The following CDH4 variants were observed in gnomAD, a reference collection of about 807,000 sequenced individuals.
The protein encoded by CDH4 is cadherin 4.
A neutral mutation model predicts 86.0 loss-of-function variants in CDH4; 33 were observed. The ratio of observed to expected loss-of-function variants is 0.38; its 90% CI spans 0.29 to 0.51. The LOEUF is 0.51. Among genes scored for constraint, CDH4 ranks in the 20% least tolerant of loss-of-function variants. CDH4 has a pLI of 0.86. For synonymous variants in CDH4, 555 were observed against 549.4 expected (o/e 1.01, Z -0.14); for missense variants, 1,114 against 1,307.4 (o/e 0.85, Z 2.28).
At position 61,621,290 on chromosome 20, in the gene CDH4, T is replaced by G. The variant is rs181385311; in HGVS notation, c.170-122273T>G. ...TGCTTCCTAGAACGCGCTGTCAAGA[T>G]CTGTTTGACATTCTGTAACTCTTTC... On this transcript the variant is annotated intron_variant, in intron 2 of 15. Coordinates refer to ENST00000614565, the MANE Select transcript of CDH4 (RefSeq NM_001794.5). 2.0e-5 allele frequency among the ~76,000 whole-genome samples: 3 copies of G among 152,322 alleles called. No individual in the cohort carries two copies. In the East Asian group the frequency reaches 5.8e-4, roughly 29 times the overall value.
intron 2 of CDH4, among the ~76,000 whole-genome samples, chr20:61,643,823 C>T (rs770990076): frequency 2.0e-5 from 3 of 152,234 alleles, no homozygotes; most frequent in Non-Finnish European, 4.4e-5. Context: ...GAGTTCCCCT[C>T]GTCATATGTG....
At chr20:61,357,538 A>G (rs1486421501) in intron 2 of CDH4, among the ~76,000 whole-genome samples, 1 of 152,112 alleles carries the variant, frequency 6.6e-6, no homozygotes, top group African/African-American at 2.4e-5. Flanking sequence ...CTTCTTACCA[A>G]TTCTTCCTGG....
intron 2 of CDH4, among the ~76,000 whole-genome samples, chr20:61,566,789 C>T (rs567654821): frequency 2.0e-5 from 3 of 152,176 alleles, no homozygotes; most frequent in Admixed American, 6.5e-5. Context: ...AAAGGGTCAC[C>T]GAGACACTCA....
intron 5 of CDH4, among the ~76,000 whole-genome samples, chr20:61,851,812 G>A (rs556741353): frequency 6.6e-6 from 1 of 152,012 alleles, no homozygotes. Context: ...CCTCCCTGGC[G>A]GCCACCACAC....
chr20:61,385,909 C>T (rs1036420303), intron 2 of CDH4, among the ~76,000 whole-genome samples: 6 of 152,214 alleles, frequency 3.9e-5, no homozygotes, highest in African/African-American at 1.4e-4. Flanking sequence ...ATTGCAGCTG[C>T]GGTTCATGCA....
intron 7 of CDH4, among the ~76,000 whole-genome samples, chr20:61,886,886 C>A (rs1984567000): frequency 6.6e-6 from 1 of 152,152 alleles, no homozygotes; most frequent in South Asian, 2.1e-4. Context: ...AGGGCCCTGC[C>A]CTGTGGTTAA....
At chr20:61,827,284 G>A (rs1981370236) in intron 4 of CDH4, among the ~76,000 whole-genome samples, 1 of 152,168 alleles carries the variant, frequency 6.6e-6, no homozygotes, top group Non-Finnish European at 1.5e-5. Flanking sequence ...TATTTTAAGT[G>A]ACTTTAAGAC....
intron 2 of CDH4, among the ~76,000 whole-genome samples, chr20:61,631,409 G>A (rs1450534656): frequency 6.6e-6 from 1 of 152,200 alleles, no homozygotes; most frequent in African/African-American, 2.4e-5. Flanking sequence ...GGAGACCGAG[G>A]AGGGCAGATC....
At chr20:61,739,136 A>C (rs1190104943) in intron 2 of CDH4, 1 of 152,346 alleles carries the variant, frequency 6.6e-6, no homozygotes, top group Non-Finnish European at 1.5e-5. Context: ...TAAGAAAACT[A>C]AACTTCCAGC....
At chr20:61,690,253 G>A (rs927138574) in intron 2 of CDH4, among the ~76,000 whole-genome samples, 10 of 152,060 alleles carry the variant, frequency 6.6e-5, no homozygotes, top group African/African-American at 2.4e-4. Flanking sequence ...ACAGTGGTTA[G>A]GTGAGATGGT....
At chr20:61,552,785 C>G (rs1406922489) in intron 2 of CDH4, among the ~76,000 whole-genome samples, 1 of 151,788 alleles carries the variant, frequency 6.6e-6, no homozygotes, top group Non-Finnish European at 1.5e-5. Flanking sequence ...AAGACAATAA[C>G]AAGTGTTGGC....
chr20:61,639,810 C>T (rs939032305), intron 2 of CDH4, among the ~76,000 whole-genome samples: 1 of 151,810 alleles, frequency 6.6e-6, no homozygotes, highest in African/African-American at 2.4e-5. Flanking sequence ...GTCAGCTGGC[C>T]GATTATTTTA....
chr20:61,900,667 G>A (rs529014182), intron 8 of CDH4, among the ~76,000 whole-genome samples: 7 of 152,298 alleles, frequency 4.6e-5, no homozygotes, highest in South Asian at 2.1e-4. Context: ...CCTCCCAGCC[G>A]CGGTGCTTCC....
rs551384906 is a variant in CDH4 at position 61,870,057 on chromosome 20, C to T, written c.878-3671C>T. ...AGGGCAGGCACTCAAAGGGAGTACG[C>T]GGGTCTCTGCCTCACAGTGGATCAG... On this transcript the variant is annotated intron_variant, in intron 6 of 15. Transcript: ENST00000614565. Among the ~76,000 whole-genome samples the T allele has an allele frequency of 3.8e-3, 586 of 152,288 alleles. 2 individuals are homozygous for T. Among genetic ancestry groups the T allele is most frequent in the African/African-American group, 0.013 (553 of 41,552 alleles).
intron 2 of CDH4, among the ~76,000 whole-genome samples, chr20:61,667,257 A>G (rs746379305): frequency 1.3e-5 from 2 of 152,212 alleles, no homozygotes; most frequent in Non-Finnish European, 2.9e-5. Context: ...GTGGAGAAAC[A>G]GTCGGCCGGG....
chr20:61,306,576 C>T (rs1270685666), intron 2 of CDH4, among the ~76,000 whole-genome samples: 2 of 152,092 alleles, frequency 1.3e-5, no homozygotes, highest in African/African-American at 4.8e-5. Flanking sequence ...AACTTGTGAT[C>T]CACCTGCCTC....
chr20:61,256,268 A>G (rs192121862), intron 2 of CDH4, among the ~76,000 whole-genome samples: 14 of 152,306 alleles, frequency 9.2e-5, no homozygotes, highest in African/African-American at 3.1e-4. Flanking sequence ...TGCTGTGTGC[A>G]TGTCCTGCTG....
chr20:61,929,936 C>T (rs1010716372), intron 13 of CDH4, 94 bp downstream of exon 13: 1 of 933,248 alleles, frequency 1.1e-6, no homozygotes, highest in Non-Finnish European at 1.7e-6. Context: ...TGGATTTGCC[C>T]CTCAGCCCTC....
chr20:61,427,498 C>CTT lies in CDH4; in HGVS notation c.169+172569_169+172570dup, dbSNP rs11484318. ...TCAAAACTGTTTCCCAACTGAGAGGCTTTTTTTTTCTTTTTTTGGACCACC... is the reference window on the plus strand; with the variant it reads ...TCAAAACTGTTTCCCAACTGAGAGGCTTTTTTTTTTTCTTTTTTTGGACCACC... On this transcript the variant is annotated intron_variant, in intron 2 of 15. Coordinates refer to ENST00000614565, the MANE Select transcript of CDH4 (RefSeq NM_001794.5). 1.4e-3 allele frequency among the ~76,000 whole-genome samples: 204 copies of CTT among 150,786 alleles called. 3 individuals carry two copies. In the South Asian group the frequency reaches 0.035, roughly 26 times the overall value.
Sources: allele counts gnomAD v4.1 joint callset (sites outside exome capture counted in the v4.1 genomes callset), GRCh38; gene constraint gnomAD v4.1.1; transcripts MANE v1.5; gene names NCBI Gene and HGNC (gene_info 2026-07-23, HGNC 2026-07-21).